Variants in TRIM38 observed in about 807,000 individuals in gnomAD.
TRIM38 encodes tripartite motif containing 38, also known as E3 ubiquitin-protein ligase TRIM38.
TRIM38 carries 35 observed loss-of-function variants against 35.8 expected under a neutral mutation model. The observed-to-expected ratio is 0.98, with a 90% CI of 0.75 to 1.30. The LOEUF (loss-of-function observed/expected upper bound fraction) is 1.30, where lower values mean the gene tolerates loss of function less well. Ranked by LOEUF, TRIM38 falls within the 50% of genes most tolerant of loss-of-function variation. The pLI is 0.00. For synonymous variants in TRIM38, 198 were observed against 204.7 expected (o/e 0.97, Z 0.28); for missense variants, 545 against 556.9 (o/e 0.98, Z 0.21).
intron 7 of TRIM38, among the ~76,000 whole-genome samples, chr6:25,977,217 T>G (rs1354256322): frequency 6.6e-6 from 1 of 152,188 alleles, no homozygotes; most frequent in Non-Finnish European, 1.5e-5. Flanking sequence ...GTGAATTTTA[T>G]CACCTAATTA....
At chr6:25,972,546 A>G (rs944165096) in intron 5 of TRIM38, among the ~76,000 whole-genome samples, 6 of 152,214 alleles carry the variant, frequency 3.9e-5, no homozygotes, top group Admixed American at 1.3e-4. Context: ...GGTTCTAACT[A>G]ACAGGATTGG....
In TRIM38 at chr6:25,983,602, C is replaced by T. The variant is rs370876740; in HGVS notation, c.1313C>T (p.Pro438Leu). The T allele has an allele frequency of 8.1e-6, 13 of 1,613,906 alleles. No individual in the cohort carries two copies. The highest frequency in any genetic ancestry group is 1.7e-5 in the Admixed American group (1 of 59,984). ...ACTGGCTGCCACATCTTTACTTTCC[C>T]GAAGGCTTCCTTCTCTGATACTCTC... ...GNTGCHIFTF[P>L]KASFSDTLRP... Residue 438 changes from proline (P) to leucine (L), a missense_variant, in exon 8 of 8, where the codon CCG (proline) becomes CTG (leucine). Physicochemically the swap from Pro to Leu is moderately conservative, Grantham distance 98 (BLOSUM62 -3). Transcript: ENST00000357085.
At position 25,984,442 on chromosome 6, in the gene TRIM38, A is replaced by C. The variant is rs778390321; in HGVS notation, c.*755A>C. 6.6e-6 allele frequency: 1 copy of C among 152,390 alleles called. No homozygotes were observed. The highest frequency in any genetic ancestry group is 1.5e-5 in the Non-Finnish European group (1 of 68,040). 9.4% of individuals were successfully genotyped at this position (152,390 alleles called of 1,614,324 possible). On this transcript the variant is annotated 3_prime_UTR_variant, in exon 8 of 8. Transcript: ENST00000357085. The stretch of plus-strand genomic sequence containing the variant: ...TTCTTATTATGATTCAGAGAAGAGC[A>C]AATAGACCTTAACTTCATTTTGAAA...
Position 25,987,749 on chromosome 6 carries a change from C to T in TRIM38, c.*4062C>T, listed in dbSNP as rs1321890509. 2 of 152,190 alleles carry T rather than the reference C, an allele frequency of 1.3e-5. No homozygotes were observed. The highest frequency in any genetic ancestry group is 2.9e-5 in the Non-Finnish European group (2 of 68,036). The allele number at this position is 152,190 out of a possible 1,614,324, so 9.4% of individuals were successfully genotyped here. A position where few individuals can be genotyped will look rare whatever the true frequency, so the allele number is the denominator to read the frequency against. On this transcript the variant is annotated 3_prime_UTR_variant, in exon 8 of 8. Transcript: ENST00000357085. ...GGGTTTATTCTTGGTGTTGTGCTTT[C>T]TATGGGTTTTGACAAATGTATAATG...
In TRIM38 at chr6:25,969,373, T is replaced by G; in HGVS notation, c.460T>G (p.Cys154Gly). 1 of 1,613,064 alleles carries G rather than the reference T, an allele frequency of 6.2e-7. No homozygotes were observed. The highest frequency in any genetic ancestry group is 8.5e-7 in the Non-Finnish European group (1 of 1,179,556). The stretch of plus-strand genomic sequence containing the variant: ...AAAACTGAAGCAACTTGAAGACAGA[T>G]GTACGGAGCAGAAGCTGTCCACAGC... ...VTKLKQLEDR[C>G]TEQKLSTAMR... is the part of the protein sequence containing the mutation. Residue 154 changes from cysteine to glycine, a missense_variant, in exon 4 of 8, where the codon TGT becomes GGT. Transcript: ENST00000357085.
intron 7 of TRIM38, among the ~76,000 whole-genome samples, chr6:25,974,268 G>A (rs1424333912): frequency 6.6e-6 from 1 of 152,146 alleles, no homozygotes; most frequent in Non-Finnish European, 1.5e-5. Flanking sequence ...CTTTGGCCCT[G>A]GTTATTTCTG....
intron 1 of TRIM38, 41 bp downstream of exon 1, chr6:25,962,896 C>T (rs1759893665): frequency 6.6e-6 from 1 of 152,348 alleles, no homozygotes; most frequent in African/African-American, 2.4e-5. Context: ...AAGGTCCAGG[C>T]TAAGGTTTTC....
Position 25,987,899 on chromosome 6 carries a change from T to A in TRIM38, c.*4212T>A, listed in dbSNP as rs771327279. The A allele has an allele frequency of 9.9e-5, 15 of 152,208 alleles. No homozygotes were observed. Among genetic ancestry groups the A allele is most frequent in the Admixed American group, 8.5e-4 (13 of 15,280 alleles). The allele number at this position is 152,208 out of a possible 1,614,324, so 9.4% of individuals were successfully genotyped here. ...ATCTTTTGACTGTGTCCATAGTTAC[T>A]GTCTTTTCTAGAGTGTCATACAGTT... On this transcript the variant is annotated 3_prime_UTR_variant, in exon 8 of 8. Transcript: ENST00000357085.
At position 25,983,576 on chromosome 6, in the gene TRIM38, T is replaced by C. The variant is rs761002626; in HGVS notation, c.1287T>C (p.Asn429=). The change falls in exon 8 of 8, where the codon AAT becomes AAC. Residue 429 remains asparagine, a synonymous_variant. Transcript: ENST00000357085. ...GAGTTGTATCCTTTTATAACGGGAA[T>C]ACTGGCTGCCACATCTTTACTTTCC... ...EAGVVSFYNG[N]TGCHIFTFPK... is the part of the protein sequence containing the mutation. 6.8e-6 allele frequency: 11 copies of C among 1,614,114 alleles called. No individual in the cohort carries two copies. The highest frequency in any genetic ancestry group is 9.3e-6 in the Non-Finnish European group (11 of 1,180,030).
chr6:25,974,154 G>A (rs1760323513), intron 7 of TRIM38, among the ~76,000 whole-genome samples: 1 of 152,194 alleles, frequency 6.6e-6, no homozygotes, highest in African/African-American at 2.4e-5. Context: ...TGCAGTTAAG[G>A]TGTTGGTCAG....
intron 7 of TRIM38, chr6:25,975,234 T>C (rs1760357424): frequency 3.0e-6 from 2 of 671,920 alleles, no homozygotes; most frequent in Admixed American, 6.3e-5. Context: ...TTTTTTGAGA[T>C]GGAGTCTCGC....
chr6:25,969,138 C>T (rs895925480), intron 3 of TRIM38, among the ~76,000 whole-genome samples, 187 bp from the exon 4 acceptor site: 3 of 152,300 alleles, frequency 2.0e-5, no homozygotes, highest in Middle Eastern at 6.8e-3. Flanking sequence ...ACCAACTATT[C>T]AGGGTTGCCA....
Position 25,983,579 on chromosome 6 carries a change from T to C in TRIM38, c.1290T>C (p.Thr430=). The C allele has an allele frequency of 6.2e-7, 1 of 1,614,142 alleles. No homozygotes were observed. Among genetic ancestry groups the C allele is most frequent in the African/African-American group, 1.3e-5 (1 of 75,042 alleles). The change falls in exon 8 of 8, where the codon ACT becomes ACC. Residue 430 remains threonine (T), a synonymous_variant. Coordinates refer to ENST00000357085, the MANE Select transcript of TRIM38 (RefSeq NM_006355.5). ...AGVVSFYNGN[T]GCHIFTFPKA... The stretch of plus-strand genomic sequence containing the variant: ...TTGTATCCTTTTATAACGGGAATAC[T>C]GGCTGCCACATCTTTACTTTCCCGA...
chr6:25,965,199 CT>C (rs1428161049), intron 2 of TRIM38, among the ~76,000 whole-genome samples: 1 of 152,168 alleles, frequency 6.6e-6, no homozygotes, highest in Non-Finnish European at 1.5e-5. Flanking sequence ...GTGAGGAAGC[CT>C]GCATTGCTTC....
At chr6:25,974,872 C>A (rs901715484) in intron 7 of TRIM38, 9 of 985,136 alleles carry the variant, frequency 9.1e-6, no homozygotes, top group African/African-American at 1.7e-5. Context: ...ACAACAAAAC[C>A]CAAAAGCACT....
At chr6:25,976,372 A>G (rs1581605619) in intron 7 of TRIM38, among the ~76,000 whole-genome samples, 1 of 152,272 alleles carries the variant, frequency 6.6e-6, no homozygotes, top group Middle Eastern at 3.4e-3. Flanking sequence ...GGCTTAAGCA[A>G]TCCTCCCACG....
intron 7 of TRIM38, chr6:25,975,021 T>TTCTC (rs1760348711): frequency 1.0e-6 from 1 of 981,124 alleles, no homozygotes; most frequent in Non-Finnish European, 1.2e-6. Context: ...AACTATTTCT[T>TTCTC]TCTTTCTTTC....
Position 25,988,496 on chromosome 6 carries a change from C to CTTTTTTTTTTTCTTTTTTTTTT in TRIM38, c.*4820_*4821insCTTTTTTTTTTTTTTTTTTTTT, listed in dbSNP as rs1760776375. On this transcript the variant is annotated 3_prime_UTR_variant, in exon 8 of 8. Transcript: ENST00000357085. ...TTTCTTTTTCTTTTTTCTTTTCTTT[C>CTTTTTTTTTTTCTTTTTTTTTT]TTTTTTTTTTTTTTTTTGAGACAGA... The CTTTTTTTTTTTCTTTTTTTTTT allele has an allele frequency of 1.6e-5, 1 of 63,054 alleles. No homozygotes were observed. The highest frequency in any genetic ancestry group is 2.7e-5 in the Non-Finnish European group (1 of 37,380). The allele number at this position is 63,054 out of a possible 1,614,324, so 3.9% of individuals were successfully genotyped here.
In TRIM38 at chr6:25,988,149, C is replaced by T. The variant is rs1260379360; in HGVS notation, c.*4462C>T. ...TTTTTCTAGAAATTTCTGCATAATCCCCCTTAACATGCACTTAACTAAAAG... is the reference window on the plus strand; with the variant it reads ...TTTTTCTAGAAATTTCTGCATAATCTCCCTTAACATGCACTTAACTAAAAG... On this transcript the variant is annotated 3_prime_UTR_variant, in exon 8 of 8. Transcript: ENST00000357085. The T allele has an allele frequency of 6.6e-6, 1 of 152,130 alleles. No individual in the cohort carries two copies. Among genetic ancestry groups the T allele is most frequent in the East Asian group, 1.9e-4 (1 of 5,192 alleles). The allele number at this position is 152,130 out of a possible 1,614,324, so 9.4% of individuals were successfully genotyped here. A position where few individuals can be genotyped will look rare whatever the true frequency, so the allele number is the denominator to read the frequency against.
Sources: gnomAD v4.1 joint callset for allele counts (sites outside exome capture counted in the v4.1 genomes callset) on GRCh38, gnomAD v4.1.1 for gene constraint, MANE v1.5 for transcripts, NCBI Gene and HGNC (gene_info 2026-07-23, HGNC 2026-07-21) for gene names.